MYCBP2: variants seen among roughly 807,000 people sequenced by gnomAD.
MYCBP2 encodes the protein E3 ubiquitin-protein ligase MYCBP2.
In MYCBP2, 120 loss-of-function variants were observed where a neutral mutation model predicts 525.3. The ratio of observed to expected loss-of-function variants is 0.23; its 90% CI spans 0.20 to 0.27. The LOEUF (loss-of-function observed/expected upper bound fraction) is 0.27, where lower values mean the gene tolerates loss of function less well. Ranked by LOEUF, MYCBP2 falls within the 10% of genes least tolerant of loss-of-function variation. The pLI is 1.00. For missense variants in MYCBP2, 4,149 were observed against 5,657.1 expected, an observed-to-expected ratio of 0.73 and a Z score of 8.55; for synonymous variants, 1,894 against 1,955.8, an observed-to-expected ratio of 0.97 and a Z score of 0.83.
intron 47 of MYCBP2, among the ~76,000 whole-genome samples, chr13:77,147,268 G>T (rs999102616): frequency 2.0e-5 from 3 of 152,064 alleles, no homozygotes; most frequent in African/African-American, 7.2e-5. Flanking sequence ...TAAGGAAGGG[G>T]TGGTAATGGG....
chr13:77,143,268 AGT>A (rs1314545504), intron 49 of MYCBP2, among the ~76,000 whole-genome samples: 1 of 152,162 alleles, frequency 6.6e-6, no homozygotes, highest in East Asian at 1.9e-4. Flanking sequence ...CTGGCGTGTG[AGT>A]GTGAGTGGAG....
At chr13:77,106,058 T>G (rs1475755966) in intron 55 of MYCBP2, among the ~76,000 whole-genome samples, 1 of 152,122 alleles carries the variant, frequency 6.6e-6, no homozygotes, top group Non-Finnish European at 1.5e-5. Context: ...TCATTTCAGT[T>G]TAACAAAGAC....
rs183717040 is a variant in MYCBP2 at position 77,322,299 on chromosome 13, C to T, written c.302+4175G>A. On this transcript the variant is annotated intron_variant, in intron 1 of 82. Transcript: ENST00000544440. ...AAACTAAGGGGGTTAAGTTTAGATTCCCCATTTTGGTCACAATCCCCTCTA... is the reference window on the plus strand; with the variant it reads ...AAACTAAGGGGGTTAAGTTTAGATTTCCCATTTTGGTCACAATCCCCTCTA... Among the ~76,000 whole-genome samples the T allele has an allele frequency of 1.5e-3, 236 of 152,286 alleles. 1 individual carries two copies. The highest frequency in any genetic ancestry group is 5.5e-3 in the African/African-American group (227 of 41,556).
intron 7 of MYCBP2, among the ~76,000 whole-genome samples, chr13:77,268,192 T>C (rs1241889295): frequency 5.3e-5 from 8 of 152,204 alleles, no homozygotes; most frequent in African/African-American, 1.7e-4. Context: ...GTTACAAACA[T>C]TTTGTTCAAA....
At chr13:77,153,431 G>T (rs934416360) in intron 46 of MYCBP2, among the ~76,000 whole-genome samples, 1 of 152,078 alleles carries the variant, frequency 6.6e-6, no homozygotes, top group Non-Finnish European at 1.5e-5. Context: ...CCCACAAAGG[G>T]GTCAAGGGAA....
chr13:77,186,118 G>T (rs1246747094), intron 30 of MYCBP2, 55 bp from the exon 31 acceptor site: 3 of 1,256,842 alleles, frequency 2.4e-6, no homozygotes, highest in African/African-American at 1.5e-5. Flanking sequence ...TACCATAAAC[G>T]GAATCAAATG....
chr13:77,251,522 A>C (rs959135773), intron 14 of MYCBP2, among the ~76,000 whole-genome samples, 167 bp from the exon 15 acceptor site: 10 of 152,218 alleles, frequency 6.6e-5, no homozygotes, highest in Non-Finnish European at 7.3e-5. Context: ...AGGGACCACT[A>C]ATAAACACTC....
chr13:77,077,762 A>T lies in MYCBP2; in HGVS notation c.11485-375T>A, dbSNP rs549403032. ...CATCTGTAAGTGGAAACCTCACAAGATCAGAAAAGGGTTCTTTTTTTGTGC... is the reference window on the plus strand; with the variant it reads ...CATCTGTAAGTGGAAACCTCACAAGTTCAGAAAAGGGTTCTTTTTTTGTGC... On this transcript the variant is annotated intron_variant, in intron 66 of 82. Transcript: ENST00000544440. 482 of 161,602 alleles carry T rather than the reference A, an allele frequency of 3.0e-3. 4 individuals are homozygous for T. Among genetic ancestry groups the T allele is most frequent in the African/African-American group, 0.011 (459 of 41,770 alleles). 10.0% of individuals were successfully genotyped at this position (161,602 alleles called of 1,614,324 possible).
At position 77,164,460 on chromosome 13, in the gene MYCBP2, G is replaced by A. The variant is rs2058309262; in HGVS notation, c.6541C>T (p.Pro2181Ser). The change falls in exon 43 of 83, where the codon CCT becomes TCT. Residue 2181 changes from proline to serine, a missense_variant. Coordinates refer to ENST00000544440, the MANE Select transcript of MYCBP2 (RefSeq NM_015057.5). ...AALMKKDLAL[P>S]IGNELEEDLE... ...CAGTATTGGCCACACTTACCAATAG[G>A]AAGTGCTAGGTCCTTCTTCATCAGA... 1 of 1,605,586 alleles carries A rather than the reference G, an allele frequency of 6.2e-7. No individual in the cohort carries two copies. Among genetic ancestry groups the A allele is most frequent in the African/African-American group, 1.3e-5 (1 of 74,722 alleles).
intron 15 of MYCBP2, 129 bp downstream of exon 15, chr13:77,251,022 T>C (rs888434212): frequency 1.6e-6 from 1 of 618,988 alleles, no homozygotes; most frequent in Admixed American, 3.3e-5. Flanking sequence ...CTTGGCCTTT[T>C]GGCTAAGATC....
chr13:77,107,477 C>T (rs1036873344), intron 55 of MYCBP2, among the ~76,000 whole-genome samples: 1 of 152,148 alleles, frequency 6.6e-6, no homozygotes, highest in Non-Finnish European at 1.5e-5. Flanking sequence ...TGGCTCAAGT[C>T]CGTTATCCTA....
chr13:77,074,412 C>T (rs771521328), intron 68 of MYCBP2, among the ~76,000 whole-genome samples: 14 of 152,034 alleles, frequency 9.2e-5, no homozygotes, highest in Non-Finnish European at 1.6e-4. Flanking sequence ...CTAGACCATA[C>T]ATAAAAATCA....
intron 27 of MYCBP2, among the ~76,000 whole-genome samples, chr13:77,193,766 T>C (rs975853276): frequency 4.6e-5 from 7 of 152,314 alleles, no homozygotes; most frequent in African/African-American, 9.6e-5. Context: ...ATCTGAATTA[T>C]GGTCAAACAT....
At chr13:77,221,344 G>C (rs527997349) in intron 20 of MYCBP2, among the ~76,000 whole-genome samples, 36 of 152,230 alleles carry the variant, frequency 2.4e-4, no homozygotes, top group African/African-American at 8.2e-4. Context: ...GTATAATCAG[G>C]ACCACGAAGT....
Position 77,081,879 on chromosome 13 carries a change from ACT to A in MYCBP2, c.11149_11150del (p.Ser3717PhefsTer2). 1 of 1,613,470 alleles carries A rather than the reference ACT, an allele frequency of 6.2e-7. No individual in the cohort carries two copies. The highest frequency in any genetic ancestry group is 1.1e-5 in the South Asian group (1 of 91,038). On this transcript the variant is annotated frameshift_variant, in exon 64 of 83. Transcript: ENST00000544440. LOFTEE classifies it high-confidence loss of function. This position sits in a 1 kb window ranked among gnomAD's most constrained non-coding sequence, Gnocchi z 4.6. ...AGCCAGACTGTATACTGATGCTAAA[ACT>A]CTCTTCACTATCGCCATCATCTGAC... The part of the protein sequence containing the change: ...SKSDDGDSEE[S>X]FSISIQSGFE...
At chr13:77,299,011 T>TG (rs386379836) in intron 1 of MYCBP2, among the ~76,000 whole-genome samples, 4 of 33,920 alleles carry the variant, frequency 1.2e-4, no homozygotes, top group African/African-American at 1.8e-4. Flanking sequence ...CTTCATACTA[T>TG]TTAGGAAACC....
intron 26 of MYCBP2, among the ~76,000 whole-genome samples, chr13:77,198,806 T>C (rs965625366): frequency 6.6e-6 from 1 of 152,174 alleles, no homozygotes; most frequent in Non-Finnish European, 1.5e-5. Flanking sequence ...TACATCAAAA[T>C]GTCCCTAAAC....
At chr13:77,325,755 A>C (rs2082212064) in intron 1 of MYCBP2, among the ~76,000 whole-genome samples, 1 of 152,244 alleles carries the variant, frequency 6.6e-6, no homozygotes, top group Non-Finnish European at 1.5e-5. Context: ...ATGGGACATC[A>C]GATCACAAGA....
At chr13:77,220,264 A>T (rs1370775352) in intron 20 of MYCBP2, among the ~76,000 whole-genome samples, 1 of 152,122 alleles carries the variant, frequency 6.6e-6, no homozygotes, top group Non-Finnish European at 1.5e-5. Flanking sequence ...AAAAAGAGTA[A>T]AAAAGTAGAG....
Sources: allele counts gnomAD v4.1 joint callset (sites outside exome capture counted in the v4.1 genomes callset), GRCh38; gene constraint gnomAD v4.1.1; non-coding constraint Gnocchi (gnomAD v3.1); transcripts MANE v1.5; gene names NCBI Gene and HGNC (gene_info 2026-07-23, HGNC 2026-07-21).